The following BACH2 variants were observed in gnomAD, a reference collection of about 807,000 sequenced individuals.
The protein encoded by BACH2 is BACH transcriptional regulator 2, also known as transcription regulator protein BACH2.
Under a neutral mutation model 61.8 loss-of-function variants are expected in BACH2, and 5 were observed. The ratio of observed to expected loss-of-function variants is 0.08; its 90% CI spans 0.04 to 0.17. The LOEUF is 0.17. Ranked by LOEUF, BACH2 falls within the 10% of genes least tolerant of loss-of-function variation. BACH2 has a pLI of 1.00. For synonymous variants in BACH2, 446 were observed against 440.1 expected (o/e 1.01, Z -0.17); for missense variants, 824 against 1,091.1 (o/e 0.76, Z 3.45).
At chr6:90,086,657 G>C (rs1193074730) in intron 5 of BACH2, among the ~76,000 whole-genome samples, 1 of 152,164 alleles carries the variant, frequency 6.6e-6, no homozygotes, top group East Asian at 1.9e-4. Context: ...ATTCACCTAA[G>C]GAGTCATGAC....
chr6:90,283,504 C>G (rs1472353373), intron 1 of BACH2, among the ~76,000 whole-genome samples: 1 of 151,708 alleles, frequency 6.6e-6, no homozygotes, highest in Admixed American at 6.6e-5. Context: ...GCCTCCCGAG[C>G]AGCTGGGACT....
At chr6:89,985,950 C>G (rs1035229642) in intron 6 of BACH2, among the ~76,000 whole-genome samples, 4 of 152,194 alleles carry the variant, frequency 2.6e-5, no homozygotes, top group Non-Finnish European at 5.9e-5. Flanking sequence ...TGTGGGAAGA[C>G]AGTGTGGGGC....
rs186760025 is a variant in BACH2, at chr6:89,974,727, T to G, written c.244-22865A>C. On this transcript the variant is annotated intron_variant, in intron 6 of 8. Coordinates refer to ENST00000257749, the MANE Select transcript of BACH2 (RefSeq NM_021813.4). ...TGTATCTTTTTCGTGGGACAAGGGA[T>G]AGCCAAAACTAGAGGTATATGGGCT... 1.1e-3 allele frequency among the ~76,000 whole-genome samples: 170 copies of G among 152,352 alleles called. 1 individual carries two copies. Among genetic ancestry groups the G allele is most frequent in the African/African-American group, 4.0e-3 (167 of 41,580 alleles).
chr6:89,989,099 T>C (rs1471330161), intron 6 of BACH2, among the ~76,000 whole-genome samples: 1 of 152,178 alleles, frequency 6.6e-6, no homozygotes, highest in Non-Finnish European at 1.5e-5. Context: ...GCACAGAGCA[T>C]GTCCCTCCAG....
At chr6:90,077,019 A>G (rs1431768162) in intron 5 of BACH2, among the ~76,000 whole-genome samples, 3 of 152,204 alleles carry the variant, frequency 2.0e-5, no homozygotes, top group African/African-American at 7.2e-5. Context: ...TCATTAGAGA[A>G]AATCTCCATT....
chr6:90,152,635 C>T (rs1784867380), intron 4 of BACH2, among the ~76,000 whole-genome samples: 1 of 152,130 alleles, frequency 6.6e-6, no homozygotes, highest in African/African-American at 2.4e-5. Context: ...AGCATAGCAT[C>T]ACAAAGTAGG....
intron 4 of BACH2, among the ~76,000 whole-genome samples, chr6:90,169,758 CTGTT>C (rs1767750328): frequency 6.6e-6 from 1 of 152,188 alleles, no homozygotes; most frequent in South Asian, 2.1e-4. Flanking sequence ...TACTTTTGCC[CTGTT>C]TGTCAGTTTT....
At chr6:89,978,486 A>C (rs1775773289) in intron 6 of BACH2, among the ~76,000 whole-genome samples, 2 of 152,190 alleles carry the variant, frequency 1.3e-5, no homozygotes, top group African/African-American at 4.8e-5. Flanking sequence ...CTTCTCGCTC[A>C]TAATTACAGT....
chr6:90,080,653 G>A, intron 5 of BACH2: 1 of 685,360 alleles, frequency 1.5e-6, no homozygotes, highest in Non-Finnish European at 1.8e-6. Flanking sequence ...AACCACAACA[G>A]CAAACATATG....
At chr6:90,078,851 T>C (rs1401237609) in intron 5 of BACH2, among the ~76,000 whole-genome samples, 1 of 152,150 alleles carries the variant, frequency 6.6e-6, no homozygotes, top group Non-Finnish European at 1.5e-5. Context: ...CTCAACTCAT[T>C]GTAACCACTG....
At chr6:90,259,797 G>A (rs1224508419) in intron 2 of BACH2, among the ~76,000 whole-genome samples, 1 of 152,010 alleles carries the variant, frequency 6.6e-6, no homozygotes, top group East Asian at 1.9e-4. Context: ...ATCCTGGTAG[G>A]TTGTATTTTC....
chr6:90,154,150 G>T (rs1784913501), intron 4 of BACH2, among the ~76,000 whole-genome samples: 1 of 152,150 alleles, frequency 6.6e-6, no homozygotes, highest in Non-Finnish European at 1.5e-5. Flanking sequence ...GGCTGGGAGT[G>T]AGGGAGGAAA....
intron 6 of BACH2, among the ~76,000 whole-genome samples, chr6:89,998,341 C>T (rs971227970): frequency 2.6e-5 from 4 of 152,178 alleles, no homozygotes; most frequent in East Asian, 3.9e-4. Context: ...AGGCTGCACA[C>T]GAAAGTCCAT....
intron 6 of BACH2, among the ~76,000 whole-genome samples, chr6:90,004,773 C>T (rs1175112685): frequency 1.3e-5 from 2 of 152,190 alleles, no homozygotes; most frequent in African/African-American, 2.4e-5. Context: ...CCCTGCAATG[C>T]TTAGCACATC....
intron 3 of BACH2, among the ~76,000 whole-genome samples, chr6:90,247,718 A>G (rs1770682910): frequency 6.6e-6 from 1 of 152,188 alleles, no homozygotes; most frequent in African/African-American, 2.4e-5. Flanking sequence ...TCAGTTAAAA[A>G]GGGTTAATAG....
chr6:90,218,956 T>TGTGA (rs1204918844), intron 3 of BACH2, among the ~76,000 whole-genome samples: 282 of 149,502 alleles, frequency 1.9e-3, no homozygotes, highest in South Asian at 0.01. Flanking sequence ...TGTGTGTGTG[T>TGTGA]GACACAGAGA....
chr6:90,060,216 C>T (rs1780612511), intron 5 of BACH2, among the ~76,000 whole-genome samples: 1 of 151,744 alleles, frequency 6.6e-6, no homozygotes, highest in Non-Finnish European at 1.5e-5. Context: ...TTCTGAGCCA[C>T]AATCTCTTTA....
chr6:90,102,455 A>G (rs968509964), intron 4 of BACH2, among the ~76,000 whole-genome samples: 26 of 152,138 alleles, frequency 1.7e-4, no homozygotes, highest in Non-Finnish European at 2.2e-4. Flanking sequence ...TTTCAATGAA[A>G]AACCACATTC....
At chr6:90,087,253 C>T (rs758235888) in intron 5 of BACH2, among the ~76,000 whole-genome samples, 2 of 152,158 alleles carry the variant, frequency 1.3e-5, no homozygotes, top group Non-Finnish European at 2.9e-5. Flanking sequence ...AAGTGCTACT[C>T]TGAATGATAA....
Sources: allele counts gnomAD v4.1 joint callset (sites outside exome capture counted in the v4.1 genomes callset), GRCh38; gene constraint gnomAD v4.1.1; transcripts MANE v1.5; gene names NCBI Gene and HGNC (gene_info 2026-07-23, HGNC 2026-07-21).